The following KANK4 variants were observed in gnomAD, a reference collection of about 807,000 sequenced individuals.
KANK4 encodes KN motif and ankyrin repeat domain-containing protein 4.
In KANK4, 50 loss-of-function variants were observed where a neutral mutation model predicts 80.8. The ratio of observed to expected loss-of-function variants is 0.62; its 90% CI spans 0.49 to 0.78. KANK4 has a LOEUF of 0.78. Ranked by LOEUF, KANK4 falls within the 30% of genes least tolerant of loss-of-function variation. The pLI is 0.00. For synonymous variants in KANK4, 465 were observed against 506.9 expected, an observed-to-expected ratio of 0.92 and a Z score of 1.11; for missense variants, 1,196 against 1,240.1, an observed-to-expected ratio of 0.96 and a Z score of 0.53.
chr1:62,301,929 G>A (rs1414064920), intron 1 of KANK4, among the ~76,000 whole-genome samples: 2 of 151,878 alleles, frequency 1.3e-5, no homozygotes, highest in Non-Finnish European at 2.9e-5. Flanking sequence ...GTGGGGGGTG[G>A]TGAGAAGCAA....
chr1:62,249,364 G>GTA (rs34305773), intron 8 of KANK4, among the ~76,000 whole-genome samples: 28 of 148,744 alleles, frequency 1.9e-4, no homozygotes, highest in East Asian at 6.0e-4. Flanking sequence ...GTGCGTGTGT[G>GTA]TATATATATA....
At chr1:62,299,224 A>T (rs1644391879) in intron 1 of KANK4, among the ~76,000 whole-genome samples, 1 of 152,016 alleles carries the variant, frequency 6.6e-6, no homozygotes. Context: ...TGCCTGGCTA[A>T]TTTTTAAAAA....
chr1:62,245,403 G>A (rs1021201615), intron 9 of KANK4, among the ~76,000 whole-genome samples: 2 of 152,192 alleles, frequency 1.3e-5, no homozygotes, highest in Admixed American at 1.3e-4. Context: ...GTGACTGAGG[G>A]ACTCAGCAGC....
chr1:62,312,548 CCTT>C (rs1446314852), intron 1 of KANK4, among the ~76,000 whole-genome samples: 2 of 152,214 alleles, frequency 1.3e-5, no homozygotes, highest in Non-Finnish European at 2.9e-5. Context: ...ACCCTTCTCT[CCTT>C]CTTGAAGAAT....
intron 1 of KANK4, among the ~76,000 whole-genome samples, chr1:62,296,106 T>C (rs548754171): frequency 1.2e-3 from 182 of 152,348 alleles, no homozygotes; most frequent in African/African-American, 4.2e-3. Context: ...AAAAAGTTAA[T>C]TGGAAGCAAT....
chr1:62,287,964 T>C (rs994263096), intron 1 of KANK4, among the ~76,000 whole-genome samples: 1 of 152,232 alleles, frequency 6.6e-6, no homozygotes, highest in African/African-American at 2.4e-5. Context: ...AGCAAACTGC[T>C]TCTCTGATAC....
intron 3 of KANK4, chr1:62,272,563 G>A (rs1672188867): frequency 2.0e-5 from 3 of 152,236 alleles, no homozygotes; most frequent in Non-Finnish European, 4.4e-5. Flanking sequence ...GGGTGGATGT[G>A]GTGCTGCAGC....
At chr1:62,296,786 C>T (rs770348282) in intron 1 of KANK4, among the ~76,000 whole-genome samples, 3 of 152,032 alleles carry the variant, frequency 2.0e-5, no homozygotes, top group South Asian at 2.1e-4. Flanking sequence ...GTGATCTACC[C>T]GCCTTGGCCT....
intron 1 of KANK4, among the ~76,000 whole-genome samples, chr1:62,283,525 G>C (rs190767245): frequency 6.6e-6 from 1 of 152,138 alleles, no homozygotes; most frequent in Admixed American, 6.5e-5. Context: ...TAAGTCAGCC[G>C]GGTTCCCTGA....
At chr1:62,260,392 TTGTC>T (rs1671856551) in intron 7 of KANK4, among the ~76,000 whole-genome samples, 1 of 151,870 alleles carries the variant, frequency 6.6e-6, no homozygotes, top group Admixed American at 6.6e-5. Flanking sequence ...ATCTCTCTCT[TTGTC>T]TGTCTCTCTG....
intron 3 of KANK4, chr1:62,272,121 C>G (rs190283242): frequency 6.5e-6 from 1 of 152,996 alleles, no homozygotes; most frequent in Non-Finnish European, 1.5e-5. Flanking sequence ...AAGGCTAGAA[C>G]TAGCACTGAA....
intron 1 of KANK4, among the ~76,000 whole-genome samples, chr1:62,318,775 T>TC (rs1373705734): frequency 1.3e-5 from 2 of 152,126 alleles, no homozygotes; most frequent in Non-Finnish European, 2.9e-5. Flanking sequence ...CTCCCCCTCC[T>TC]CACCAGTGTT....
chr1:62,262,950 A>G, intron 7 of KANK4, 142 bp downstream of exon 7: 1 of 691,800 alleles, frequency 1.4e-6, no homozygotes. Flanking sequence ...CTACAAGACC[A>G]GACTTCACCA....
chr1:62,257,397 G>A (rs1012986532), intron 7 of KANK4, among the ~76,000 whole-genome samples: 1 of 152,122 alleles, frequency 6.6e-6, no homozygotes, highest in Non-Finnish European at 1.5e-5. Context: ...CAGGACCCAG[G>A]ACTTTATAGA....
chr1:62,242,305 T>A (rs1469047813), intron 9 of KANK4, among the ~76,000 whole-genome samples: 1 of 119,856 alleles, frequency 8.3e-6, no homozygotes, highest in African/African-American at 3.3e-5. Context: ...AAGGTTGCAA[T>A]AAGCCATGAT....
chr1:62,294,352 C>T (rs1226574022), intron 1 of KANK4, among the ~76,000 whole-genome samples: 1 of 152,168 alleles, frequency 6.6e-6, no homozygotes, highest in Non-Finnish European at 1.5e-5. Context: ...TCAGCGAAAG[C>T]CTCTCAAGGG....
chr1:62,263,246 G>A lies in KANK4; in HGVS notation c.2385C>T (p.Pro795=), dbSNP rs2262110. 1,183,254 of 1,612,798 alleles carry A rather than the reference G, an allele frequency of 0.73. 437,031 individuals carry two copies. Among genetic ancestry groups the A allele is most frequent in the Admixed American group, 0.84 (49,999 of 59,846 alleles). Residue 795 remains proline, a synonymous_variant, in exon 7 of 10, where the codon CCC becomes CCT. Coordinates refer to ENST00000371153, the MANE Select transcript of KANK4 (RefSeq NM_181712.5). ...CGTGGAGGTAGGAGGCCACCACGGCGGGGCTAGACGACTTCCGGCTGGAGA... is the reference window on the plus strand; with the variant it reads ...CGTGGAGGTAGGAGGCCACCACGGCAGGGCTAGACGACTTCCGGCTGGAGA... ...FRVSSRKSSS[P]AVVASYLHEV...
At chr1:62,240,419 C>T (rs1671308541) in intron 9 of KANK4, among the ~76,000 whole-genome samples, 1 of 152,210 alleles carries the variant, frequency 6.6e-6, no homozygotes. Context: ...CCTGTAATCC[C>T]AGCACTTTGG....
At chr1:62,299,788 G>C (rs1490056773) in intron 1 of KANK4, among the ~76,000 whole-genome samples, 2 of 150,898 alleles carry the variant, frequency 1.3e-5, no homozygotes, top group African/African-American at 2.4e-5. Context: ...AAATTTGTAG[G>C]TAGGATGTTT....
Sources: gnomAD v4.1 joint callset for allele counts (sites outside exome capture counted in the v4.1 genomes callset) on GRCh38, gnomAD v4.1.1 for gene constraint, MANE v1.5 for transcripts, NCBI Gene and HGNC (gene_info 2026-07-23, HGNC 2026-07-21) for gene names.